Variants in CFAP20DC observed in about 807,000 individuals in gnomAD.
CFAP20DC encodes CFAP20 domain containing, also known as protein CFAP20DC.
Under a neutral mutation model 101.7 loss-of-function variants are expected in CFAP20DC, and 84 were observed. The ratio of observed to expected loss-of-function variants is 0.83; its 90% CI spans 0.69 to 0.99. The LOEUF is 0.99. CFAP20DC is among the 50% of genes least tolerant of loss of function. The probability of loss-of-function intolerance (pLI) is 0.00; values close to 1 mark genes in which losing one functional copy is unlikely to be tolerated. For missense variants in CFAP20DC, 1,007 were observed against 970.3 expected, an observed-to-expected ratio of 1.04 and a Z score of -0.50; for synonymous variants, 359 against 351.2, an observed-to-expected ratio of 1.02 and a Z score of -0.25.
intron 4 of CFAP20DC, among the ~76,000 whole-genome samples, chr3:58,975,941 A>G (rs1264595145): frequency 6.6e-6 from 1 of 152,196 alleles, no homozygotes; most frequent in African/African-American, 2.4e-5. Flanking sequence ...ACACTTTCAC[A>G]TGATTGTATA....
rs1040883416 is a variant in CFAP20DC, at chr3:58,992,595, T to C, written c.278+46962A>G. On this transcript the variant is annotated intron_variant, in intron 4 of 16. Coordinates refer to ENST00000482387, the MANE Select transcript of CFAP20DC (RefSeq NM_001394063.1). ...ATCTTCATATCTCTTGGGAAAAGAA[T>C]GCTGGAGTATCACATTTTGCCTGCC... The C allele has an allele frequency of 1.3e-5, 13 of 983,728 alleles. No individual in the cohort carries two copies. The African/African-American group carries it at 2.1e-4, about 16-fold the overall frequency. The allele number at this position is 983,728 out of a possible 1,614,324, so 60.9% of individuals were successfully genotyped here. A position where few individuals can be genotyped will look rare whatever the true frequency, so the allele number is the denominator to read the frequency against.
rs965187577 is a variant in CFAP20DC at position 58,820,525 on chromosome 3, A to G, written c.2175+11161T>C. 1.4e-3 allele frequency among the ~76,000 whole-genome samples: 204 copies of G among 150,940 alleles called. 1 individual carries two copies. The Middle Eastern group carries it at 0.014, about 10-fold the overall frequency. ...CAGACAAACAGAGAGCCAAATCATG[A>G]GTGAACTCCCATTCACAATTGCTTC... On this transcript the variant is annotated intron_variant, in intron 14 of 16. Transcript: ENST00000482387.
At chr3:58,769,820 A>G (rs900081226) in intron 15 of CFAP20DC, among the ~76,000 whole-genome samples, 4 of 152,198 alleles carry the variant, frequency 2.6e-5, no homozygotes, top group African/African-American at 9.6e-5. Flanking sequence ...TCTCACATCA[A>G]TCCAGGTTTA....
chr3:58,981,512 T>C (rs907764836), intron 4 of CFAP20DC, among the ~76,000 whole-genome samples: 3 of 152,136 alleles, frequency 2.0e-5, no homozygotes, highest in East Asian at 1.9e-4. Flanking sequence ...AACAGAGATA[T>C]AGATCAACGG....
chr3:58,895,087 G>A (rs115653691), intron 6 of CFAP20DC, among the ~76,000 whole-genome samples: 2,207 of 152,320 alleles, frequency 0.014, 20 homozygotes, highest in Middle Eastern at 0.024. Flanking sequence ...AGGCCTTAGG[G>A]CCTGTGATGG....
intron 3 of CFAP20DC, among the ~76,000 whole-genome samples, chr3:58,735,423 G>A (rs924793504): frequency 1.3e-5 from 2 of 152,216 alleles, no homozygotes; most frequent in African/African-American, 4.8e-5. Flanking sequence ...GCCCACAAAT[G>A]AAATCCATCA....
At chr3:58,965,394 G>A (rs2108286393) in intron 4 of CFAP20DC, among the ~76,000 whole-genome samples, 1 of 152,294 alleles carries the variant, frequency 6.6e-6, no homozygotes, top group South Asian at 2.1e-4. Flanking sequence ...ATAAGTGGAA[G>A]CATAAAACCT....
intron 3 of CFAP20DC, 88 bp from the exon 4 acceptor site, chr3:59,039,717 G>A (rs2094164806): frequency 1.3e-6 from 1 of 767,918 alleles, no homozygotes; most frequent in African/African-American, 1.8e-5. Context: ...CGAACAAGCT[G>A]AAGATTTTAG....
In CFAP20DC at chr3:58,861,771, T is replaced by A; in HGVS notation, c.1593+1787A>T. The A allele has an allele frequency of 1.0e-6, 1 of 985,456 alleles. No individual in the cohort carries two copies. The highest frequency in any genetic ancestry group is 4.7e-5 in the South Asian group (1 of 21,284). The allele number at this position is 985,456 out of a possible 1,614,324, so 61.0% of individuals were successfully genotyped here. On this transcript the variant is annotated intron_variant, in intron 12 of 16. Coordinates refer to ENST00000482387, the MANE Select transcript of CFAP20DC (RefSeq NM_001394063.1). The surrounding 1 kb of genome is among the most constrained non-coding windows in gnomAD (Gnocchi z 4.0). ...GTGAGTGCCAGTGTTGGCAATGGGA[T>A]GGTCTCACCACAGACTCTAGCCGTA...
intron 4 of CFAP20DC, among the ~76,000 whole-genome samples, chr3:58,977,145 G>A (rs989804503): frequency 2.6e-5 from 4 of 152,106 alleles, no homozygotes; most frequent in African/African-American, 4.8e-5. Context: ...TTCTGTTATA[G>A]GTTGTTTTGC....
chr3:58,995,098 T>G (rs1035123671), intron 4 of CFAP20DC, among the ~76,000 whole-genome samples: 3 of 152,204 alleles, frequency 2.0e-5, no homozygotes, highest in African/African-American at 7.2e-5. Flanking sequence ...CTGCACTACC[T>G]ATATCCCTTT....
chr3:58,883,254 C>T (rs2081357807), intron 7 of CFAP20DC, among the ~76,000 whole-genome samples: 1 of 152,214 alleles, frequency 6.6e-6, no homozygotes, highest in African/African-American at 2.4e-5. Flanking sequence ...TACTGTGAGT[C>T]TGGGCCTTTG....
intron 10 of CFAP20DC, 59 bp downstream of exon 10, chr3:58,867,758 G>A: frequency 1.3e-6 from 2 of 1,592,126 alleles, no homozygotes; most frequent in Non-Finnish European, 1.7e-6. Context: ...CCTGCAGAGA[G>A]AGATTCGATT....
chr3:58,863,131 GA>G lies in CFAP20DC; in HGVS notation c.1593+426del. 1 of 1,050,080 alleles carries G rather than the reference GA, an allele frequency of 9.5e-7. No homozygotes were observed. Among genetic ancestry groups the G allele is most frequent in the Non-Finnish European group, 1.1e-6 (1 of 873,058 alleles). 65.0% of individuals were successfully genotyped at this position (1,050,080 alleles called of 1,614,324 possible). A position where few individuals can be genotyped will look rare whatever the true frequency, so the allele number is the denominator to read the frequency against. Reference sequence around the variant, plus strand: ...TAATGAGTCCTAATAGGTCTAAGGTGAAAAGATGGCAGGGGAGTAAGGAAGC... The same window carrying G: ...TAATGAGTCCTAATAGGTCTAAGGTGAAAGATGGCAGGGGAGTAAGGAAGC... On this transcript the variant is annotated intron_variant, in intron 12 of 16. Transcript: ENST00000482387. This position sits in a 1 kb window ranked among gnomAD's most constrained non-coding sequence, Gnocchi z 5.9.
chr3:58,778,378 C>G (rs1689897533), intron 15 of CFAP20DC, among the ~76,000 whole-genome samples: 1 of 152,170 alleles, frequency 6.6e-6, no homozygotes, highest in South Asian at 2.1e-4. Context: ...CTGGGTATTC[C>G]TCTTCGGGTG....
chr3:59,032,126 C>T (rs114617437), intron 4 of CFAP20DC, among the ~76,000 whole-genome samples: 1,791 of 152,212 alleles, frequency 0.012, 35 homozygotes, highest in African/African-American at 0.041. Context: ...CCAAGGGAAG[C>T]GGTGAGGGAC....
chr3:58,946,263 T>G (rs2089347462), intron 4 of CFAP20DC, among the ~76,000 whole-genome samples: 1 of 151,746 alleles, frequency 6.6e-6, no homozygotes, highest in African/African-American at 2.4e-5. Context: ...ACTACAGGCA[T>G]GTGCCACCAT....
chr3:58,760,166 G>A lies in CFAP20DC; in HGVS notation c.2238-6303C>T, dbSNP rs567145125. ...ACATACTGATTCTTCCTACCCATGAGCATGCAATGTTCTTCTATTTCTTTG... is the reference window on the plus strand; with the variant it reads ...ACATACTGATTCTTCCTACCCATGAACATGCAATGTTCTTCTATTTCTTTG... On this transcript the variant is annotated intron_variant, in intron 15 of 16. Coordinates refer to ENST00000482387, the MANE Select transcript of CFAP20DC (RefSeq NM_001394063.1). Among the ~76,000 whole-genome samples the A allele has an allele frequency of 6.8e-4, 104 of 152,306 alleles. No homozygotes were observed. In the Middle Eastern group the frequency reaches 0.01, roughly 15 times the overall value.
intron 3 of CFAP20DC, among the ~76,000 whole-genome samples, chr3:58,735,500 C>A (rs1231913526): frequency 6.6e-6 from 1 of 152,198 alleles, no homozygotes; most frequent in Non-Finnish European, 1.5e-5. Flanking sequence ...TGGGAATTCC[C>A]AAACTGCTCA....
Sources: allele counts gnomAD v4.1 joint callset (sites outside exome capture counted in the v4.1 genomes callset), GRCh38; gene constraint gnomAD v4.1.1; non-coding constraint Gnocchi (gnomAD v3.1); transcripts MANE v1.5; gene names NCBI Gene and HGNC (gene_info 2026-07-23, HGNC 2026-07-21).